Variants in IKBKE observed in about 807,000 individuals in gnomAD.
IKBKE encodes inhibitor of nuclear factor kappa B kinase subunit epsilon, also known as inhibitor of nuclear factor kappa-B kinase subunit epsilon.
Under a neutral mutation model 92.1 loss-of-function variants are expected in IKBKE, and 45 were observed. That is an observed-to-expected ratio of 0.49 (90% CI 0.38 to 0.63). The LOEUF (loss-of-function observed/expected upper bound fraction) is 0.63. Ranked by LOEUF, IKBKE falls within the 20% of genes least tolerant of loss-of-function variation. IKBKE has a pLI of 0.00. For missense variants in IKBKE, 700 were observed against 932.8 expected, an observed-to-expected ratio of 0.75 and a Z score of 3.25; for synonymous variants, 374 against 380.3, an observed-to-expected ratio of 0.98 and a Z score of 0.19.
intron 13 of IKBKE, among the ~76,000 whole-genome samples, chr1:206,480,885 G>T (rs1466756354): frequency 6.6e-6 from 1 of 152,170 alleles, no homozygotes; most frequent in Non-Finnish European, 1.5e-5. Flanking sequence ...CAGAACTCTA[G>T]GGGGAGGACA....
Position 206,485,400 on chromosome 1 carries a change from A to G in IKBKE, c.1616+94A>G, listed in dbSNP as rs904628348. On this transcript the variant is annotated intron_variant, in intron 15 of 21. Coordinates refer to ENST00000581977, the MANE Select transcript of IKBKE (RefSeq NM_014002.4). The surrounding 1 kb of genome is among the most constrained non-coding windows in gnomAD (Gnocchi z 5.0). Reference sequence around the variant, plus strand: ...TTTAGCCTTTTAGACGTCAGCTTGCATTCCCCTTTCTCTTGGCAAGGGTGC... The same window carrying G: ...TTTAGCCTTTTAGACGTCAGCTTGCGTTCCCCTTTCTCTTGGCAAGGGTGC... The G allele has an allele frequency of 4.0e-6, 3 of 749,842 alleles. No homozygotes were observed. In the African/African-American group the frequency reaches 5.2e-5, roughly 13 times the overall value. The allele number at this position is 749,842 out of a possible 1,614,324, so 46.4% of individuals were successfully genotyped here.
At chr1:206,481,991 G>C (rs1553387225) in intron 13 of IKBKE, among the ~76,000 whole-genome samples, 1 of 151,794 alleles carries the variant, frequency 6.6e-6, no homozygotes, top group African/African-American at 2.4e-5. Context: ...GTTTTAGCCG[G>C]GATGGTCTCG....
intron 13 of IKBKE, among the ~76,000 whole-genome samples, chr1:206,483,853 C>G (rs1211051262): frequency 3.3e-5 from 5 of 152,166 alleles, no homozygotes; most frequent in Admixed American, 3.3e-4. Context: ...ACCTTCTGGA[C>G]TCATCTAGAG....
rs1665718414 is a variant in IKBKE, at chr1:206,487,371, G to A, written c.1617-543G>A. The stretch of plus-strand genomic sequence containing the variant: ...TTCCTCCGCCTCCGGGCAGGACCGA[G>A]GCCTGTTGATTCATTCTTGTTTTCA... On this transcript the variant is annotated intron_variant, in intron 15 of 21. Transcript: ENST00000581977. This position sits in a 1 kb window ranked among gnomAD's most constrained non-coding sequence, Gnocchi z 5.3. 1.3e-5 allele frequency among the ~76,000 whole-genome samples: 2 copies of A among 152,208 alleles called. No homozygotes were observed. Among genetic ancestry groups the A allele is most frequent in the African/African-American group, 4.8e-5 (2 of 41,444 alleles).
In IKBKE at chr1:206,484,987, T is replaced by C. The variant is rs782669848; in HGVS notation, c.1428-10T>C. On this transcript the variant is annotated splice_polypyrimidine_tract_variant and intron_variant, in intron 13 of 21. Transcript: ENST00000581977. ...CCCCAAATGTGGCCTTTCTCTTTGCTTCCCTCAAGGTTCAGCAGCGTGGCT... is the reference window on the plus strand; with the variant it reads ...CCCCAAATGTGGCCTTTCTCTTTGCCTCCCTCAAGGTTCAGCAGCGTGGCT... 88 of 1,612,868 alleles carry C rather than the reference T, an allele frequency of 5.5e-5. No individual in the cohort carries two copies. Among genetic ancestry groups the C allele is most frequent in the Non-Finnish European group, 7.4e-5 (87 of 1,179,168 alleles).
chr1:206,493,979 G>A lies in IKBKE; in HGVS notation c.2105G>A (p.Arg702His), dbSNP rs781860835. Reference protein sequence around the residue: ...LLASDLLDNNRIIERLNRVPA... With the variant: ...LLASDLLDNNHIIERLNRVPA... ...GCATCTGACCTCCTGGACAACAACC[G>A]CATCATCGAACGGTAAGGAGCTTTC... Residue 702 changes from arginine to histidine, a missense_variant, in exon 21 of 22, where the codon CGC (arginine) becomes CAC (histidine). Arg to His is a conservative substitution (Grantham distance 29, BLOSUM62 0). Coordinates refer to ENST00000581977, the MANE Select transcript of IKBKE (RefSeq NM_014002.4). 5.5e-5 allele frequency: 89 copies of A among 1,613,656 alleles called. No homozygotes were observed. The highest frequency in any genetic ancestry group is 3.0e-4 in the South Asian group (27 of 91,078).
Position 206,476,924 on chromosome 1 carries a change from C to A in IKBKE, c.701+86C>A. On this transcript the variant is annotated intron_variant, in intron 7 of 21. Transcript: ENST00000581977. This position sits in a 1 kb window ranked among gnomAD's most constrained non-coding sequence, Gnocchi z 5.1. Reference sequence around the variant, plus strand: ...CCGGTCCTTGCTGTGTCTTCTGGTCCCCTCACACTCCATGGCCCTCCTCTG... The same window carrying A: ...CCGGTCCTTGCTGTGTCTTCTGGTCACCTCACACTCCATGGCCCTCCTCTG... 6.9e-7 allele frequency: 1 copy of A among 1,450,128 alleles called. No individual in the cohort carries two copies. Among genetic ancestry groups the A allele is most frequent in the Non-Finnish European group, 9.6e-7 (1 of 1,046,134 alleles). 89.8% of individuals were successfully genotyped at this position (1,450,128 alleles called of 1,614,324 possible).
intron 4 of IKBKE, 181 bp from the exon 5 acceptor site, chr1:206,474,684 C>T: frequency 1.2e-6 from 1 of 819,650 alleles, no homozygotes; most frequent in Admixed American, 2.8e-5. Context: ...CAGAGGGCTT[C>T]CTGGAATAAC....
intron 3 of IKBKE, among the ~76,000 whole-genome samples, chr1:206,473,775 A>G (rs1174019736): frequency 1.3e-5 from 2 of 152,002 alleles, no homozygotes; most frequent in African/African-American, 2.4e-5. Flanking sequence ...CATCCTGGTC[A>G]AGATGGTGAA....
rs1553386094 is a variant in IKBKE at position 206,478,387 on chromosome 1, G to T, written c.992+48G>T. On this transcript the variant is annotated intron_variant, in intron 9 of 21. Transcript: ENST00000581977. The surrounding 1 kb of genome is among the most constrained non-coding windows in gnomAD (Gnocchi z 4.8). Reference sequence around the variant, plus strand: ...AGCGGTGAGAACCTTCTCTACCCAAGCAGCAGTGCATGTCCAAAGCAGCAT... The same window carrying T: ...AGCGGTGAGAACCTTCTCTACCCAATCAGCAGTGCATGTCCAAAGCAGCAT... 2.5e-6 allele frequency: 4 copies of T among 1,569,672 alleles called. No homozygotes were observed. Among genetic ancestry groups the T allele is most frequent in the Non-Finnish European group, 3.5e-6 (4 of 1,149,756 alleles).
chr1:206,478,791 C>G lies in IKBKE; in HGVS notation c.993-152C>G. 1.4e-6 allele frequency: 1 copy of G among 690,818 alleles called. No individual in the cohort carries two copies. Among genetic ancestry groups the G allele is most frequent in the Non-Finnish European group, 2.6e-6 (1 of 386,058 alleles). 42.8% of individuals were successfully genotyped at this position (690,818 alleles called of 1,614,324 possible). On this transcript the variant is annotated intron_variant, in intron 9 of 21. Coordinates refer to ENST00000581977, the MANE Select transcript of IKBKE (RefSeq NM_014002.4). This position sits in a 1 kb window ranked among gnomAD's most constrained non-coding sequence, Gnocchi z 4.8. Reference sequence around the variant, plus strand: ...TGAACTCTCCCCTTGGTCTCTCCACCCTTGATGACAGAGAAAACCACCCCC... The same window carrying G: ...TGAACTCTCCCCTTGGTCTCTCCACGCTTGATGACAGAGAAAACCACCCCC...
Position 206,480,116 on chromosome 1 carries a change from G to T in IKBKE, c.1340+3G>T. ...TTTCGGGGGCTGCACTGGGTCATGTGAGTAATCATGAGGGCTGGGCACAGA... is the reference window on the plus strand; with the variant it reads ...TTTCGGGGGCTGCACTGGGTCATGTTAGTAATCATGAGGGCTGGGCACAGA... On this transcript the variant is annotated splice_donor_region_variant and intron_variant, in intron 12 of 21. Transcript: ENST00000581977. 1 of 1,556,650 alleles carries T rather than the reference G, an allele frequency of 6.4e-7. No individual in the cohort carries two copies. Among genetic ancestry groups the T allele is most frequent in the Non-Finnish European group, 8.7e-7 (1 of 1,153,618 alleles).
intron 18 of IKBKE, 176 bp downstream of exon 18, chr1:206,491,925 T>C (rs1380830561): frequency 1.9e-6 from 1 of 532,550 alleles, no homozygotes. Flanking sequence ...GAGATTTCTG[T>C]AGCTCAGCTT....
intron 7 of IKBKE, 48 bp from the exon 8 acceptor site, chr1:206,477,701 G>A (rs2103458012): frequency 1.7e-6 from 2 of 1,187,852 alleles, no homozygotes; most frequent in Non-Finnish European, 2.4e-6. Context: ...TCGTTGCCCG[G>A]CAATGTGATA....
chr1:206,486,867 C>T (rs539788604), intron 15 of IKBKE, among the ~76,000 whole-genome samples: 24 of 151,522 alleles, frequency 1.6e-4, no homozygotes, highest in African/African-American at 5.1e-4. Context: ...GGATCAAGGC[C>T]TCATCCTTTT....
chr1:206,474,852 G>T lies in IKBKE; in HGVS notation c.229-13G>T. The T allele has an allele frequency of 2.5e-6, 4 of 1,613,468 alleles. No individual in the cohort carries two copies. The highest frequency in any genetic ancestry group is 3.4e-6 in the Non-Finnish European group (4 of 1,179,686). ...GTGCCGTCCTCATGAGCCCCTCTCT[G>T]TCCCACCCATAGGGCGGAAGCCGGC... On this transcript the variant is annotated splice_polypyrimidine_tract_variant and intron_variant, in intron 4 of 21. Coordinates refer to ENST00000581977, the MANE Select transcript of IKBKE (RefSeq NM_014002.4).
At position 206,477,804 on chromosome 1, in the gene IKBKE, G is replaced by A. The variant is rs1553385826; in HGVS notation, c.757G>A (p.Glu253Lys). 1.3e-6 allele frequency: 2 copies of A among 1,564,512 alleles called. No homozygotes were observed. The highest frequency in any genetic ancestry group is 3.8e-5 in the Admixed American group (2 of 52,920). ...GGCCATTGCAGGTGCCCAGAGGCGG[G>A]AGAACGGGCCCCTGGAGTGGAGCTA... Reference protein sequence around the residue: ...AGAIAGAQRRENGPLEWSYTL... With the variant: ...AGAIAGAQRRKNGPLEWSYTL... Residue 253 changes from glutamate to lysine, a missense_variant, in exon 8 of 22, where the codon GAG becomes AAG. Physicochemically the swap from Glu to Lys is moderately conservative, Grantham distance 56 (BLOSUM62 1). Coordinates refer to ENST00000581977, the MANE Select transcript of IKBKE (RefSeq NM_014002.4).
At chr1:206,475,349 C>T (rs1268475522) in intron 5 of IKBKE, among the ~76,000 whole-genome samples, 1 of 152,186 alleles carries the variant, frequency 6.6e-6, no homozygotes, top group Non-Finnish European at 1.5e-5. Flanking sequence ...TGATTCCACT[C>T]ATACATTCAT....
chr1:206,480,509 T>TCAG lies in IKBKE; in HGVS notation c.1411_1413dup (p.Ser471dup). The TCAG allele has an allele frequency of 6.2e-7, 1 of 1,613,650 alleles. No individual in the cohort carries two copies. Among genetic ancestry groups the TCAG allele is most frequent in the Non-Finnish European group, 8.5e-7 (1 of 1,179,808 alleles). ...GTGGCAAGGACATCCCTCCTCTACC[T>TCAG]CAGCAGCAGCCTGGGAACTGAGAGG... On this transcript the variant is annotated inframe_insertion, in exon 13 of 22. Coordinates refer to ENST00000581977, the MANE Select transcript of IKBKE (RefSeq NM_014002.4).
Sources: gnomAD v4.1 joint callset for allele counts (sites outside exome capture counted in the v4.1 genomes callset) on GRCh38, gnomAD v4.1.1 for gene constraint, Gnocchi (gnomAD v3.1) non-coding constraint, MANE v1.5 for transcripts, NCBI Gene and HGNC (gene_info 2026-07-23, HGNC 2026-07-21) for gene names.